Variants in NAALADL2 observed in about 807,000 individuals in gnomAD.
NAALADL2 encodes inactive N-acetylated-alpha-linked acidic dipeptidase-like protein 2.
Under a neutral mutation model 87.2 loss-of-function variants are expected in NAALADL2, and 76 were observed. The ratio of observed to expected loss-of-function variants is 0.87; its 90% confidence interval spans 0.72 to 1.05. NAALADL2 has a LOEUF of 1.05. Ranked by LOEUF, NAALADL2 falls within the 50% of genes least tolerant of loss-of-function variation. The pLI, the probability that NAALADL2 is intolerant of heterozygous loss-of-function variation, is 0.00. For synonymous variants in NAALADL2, 354 were observed against 331.0 expected (o/e 1.07, Z -0.75); for missense variants, 1,089 against 945.8 (o/e 1.15, Z -1.99).
intron 1 of NAALADL2, among the ~76,000 whole-genome samples, chr3:175,048,075 G>A (rs1754901469): frequency 6.6e-6 from 1 of 152,054 alleles, no homozygotes; most frequent in African/African-American, 2.4e-5. Flanking sequence ...AGTGGGATTT[G>A]TACTTTAATT....
chr3:175,269,005 C>T (rs1284572345), intron 4 of NAALADL2, among the ~76,000 whole-genome samples: 1 of 150,050 alleles, frequency 6.7e-6, no homozygotes, highest in African/African-American at 2.5e-5. Context: ...GTGGCATGAT[C>T]TCAGCTCACT....
At chr3:174,973,488 A>G (rs1175568258) in intron 1 of NAALADL2, among the ~76,000 whole-genome samples, 2 of 152,138 alleles carry the variant, frequency 1.3e-5, no homozygotes, top group Non-Finnish European at 2.9e-5. Context: ...GCTCTAATTG[A>G]TATTTGTTAT....
intron 11 of NAALADL2, among the ~76,000 whole-genome samples, chr3:175,688,158 A>G (rs1331978601): frequency 6.6e-6 from 1 of 152,168 alleles, no homozygotes; most frequent in Non-Finnish European, 1.5e-5. Context: ...GAGAAGCAGA[A>G]TGAAATGACA....
chr3:174,493,892 A>T (rs1718361092), intron 1 of NAALADL2, among the ~76,000 whole-genome samples: 1 of 152,240 alleles, frequency 6.6e-6, no homozygotes, highest in Non-Finnish European at 1.5e-5. Context: ...AGATAATTAA[A>T]ATATTGTTTG....
intron 2 of NAALADL2, among the ~76,000 whole-genome samples, chr3:174,610,325 T>G (rs948501818): frequency 6.6e-6 from 1 of 151,652 alleles, no homozygotes; most frequent in Non-Finnish European, 1.5e-5. Flanking sequence ...GGGATCTAAT[T>G]AAACTAAAGA....
intron 13 of NAALADL2, among the ~76,000 whole-genome samples, chr3:175,787,373 GC>G (rs1274712676): frequency 2.0e-5 from 3 of 152,162 alleles, no homozygotes; most frequent in Non-Finnish European, 4.4e-5. Context: ...GACTCCGTGG[GC>G]GTAGGACCCT....
chr3:174,785,236 T>G (rs1716502050), intron 3 of NAALADL2, among the ~76,000 whole-genome samples: 2 of 152,086 alleles, frequency 1.3e-5, no homozygotes, highest in East Asian at 3.9e-4. Context: ...TGTCCATGAG[T>G]GCTAATTTTT....
intron 1 of NAALADL2, among the ~76,000 whole-genome samples, chr3:174,881,307 T>G (rs1729158718): frequency 6.6e-6 from 1 of 152,134 alleles, no homozygotes; most frequent in African/African-American, 2.4e-5. Context: ...TACAATAAGT[T>G]ACTCAAAATC....
chr3:174,749,511 A>G (rs1734614383), intron 3 of NAALADL2, among the ~76,000 whole-genome samples: 1 of 151,832 alleles, frequency 6.6e-6, no homozygotes, highest in South Asian at 2.1e-4. Context: ...TAGGAAAAAA[A>G]AAAAACAGCA....
chr3:175,400,094 A>G (rs1770376937), intron 5 of NAALADL2, among the ~76,000 whole-genome samples: 1 of 152,106 alleles, frequency 6.6e-6, no homozygotes, highest in Non-Finnish European at 1.5e-5. Context: ...CATTCTCTAT[A>G]TGAAAAGGGA....
At chr3:174,525,124 T>C (rs1265964128) in intron 1 of NAALADL2, among the ~76,000 whole-genome samples, 2 of 152,214 alleles carry the variant, frequency 1.3e-5, no homozygotes, top group African/African-American at 2.4e-5. Flanking sequence ...CACCTAACAG[T>C]GCATTTCTCA....
At chr3:175,314,705 T>C (rs1197740380) in intron 4 of NAALADL2, among the ~76,000 whole-genome samples, 2 of 99,996 alleles carry the variant, frequency 2.0e-5, no homozygotes, top group African/African-American at 8.1e-5. Context: ...TATATATATA[T>C]ATATATATAT....
chr3:175,644,859 A>G (rs1170176000), intron 11 of NAALADL2, among the ~76,000 whole-genome samples: 1 of 152,198 alleles, frequency 6.6e-6, no homozygotes, highest in African/African-American at 2.4e-5. Flanking sequence ...TTTTCACATT[A>G]CTAGCATCAA....
At chr3:175,340,237 G>A (rs1039969567) in intron 5 of NAALADL2, among the ~76,000 whole-genome samples, 1 of 152,038 alleles carries the variant, frequency 6.6e-6, no homozygotes, top group African/African-American at 2.4e-5. Context: ...ATAAATGTTC[G>A]ATAACTATGA....
At chr3:175,712,012 T>G (rs141650141) in intron 11 of NAALADL2, among the ~76,000 whole-genome samples, 1 of 152,052 alleles carries the variant, frequency 6.6e-6, no homozygotes, top group African/African-American at 2.4e-5. Flanking sequence ...CATATATTCT[T>G]TAAGGAGAAG....
intron 13 of NAALADL2, among the ~76,000 whole-genome samples, chr3:175,800,648 A>G (rs532326354): frequency 3.9e-5 from 6 of 152,292 alleles, no homozygotes; most frequent in African/African-American, 1.4e-4. Flanking sequence ...CTTAAAATCC[A>G]AAATAAGCTG....
At chr3:175,112,690 T>C (rs1485034692) in intron 2 of NAALADL2, 2 of 151,730 alleles carry the variant, frequency 1.3e-5, no homozygotes, top group African/African-American at 4.8e-5. Context: ...ATTGAATGCC[T>C]ACTCTGTACA....
chr3:174,592,564 G>A (rs1717485804), intron 2 of NAALADL2, among the ~76,000 whole-genome samples: 1 of 152,090 alleles, frequency 6.6e-6, no homozygotes, highest in African/African-American at 2.4e-5. Context: ...ATCTTTAGAT[G>A]ATCAATTAGA....
chr3:175,484,934 A>T (rs549600894), intron 9 of NAALADL2, among the ~76,000 whole-genome samples: 8 of 152,258 alleles, frequency 5.3e-5, no homozygotes, highest in African/African-American at 1.9e-4. Context: ...TTTTAGTGGA[A>T]GTATAGCTGC....
Sources: gnomAD v4.1 joint callset for allele counts (sites outside exome capture counted in the v4.1 genomes callset) on GRCh38, gnomAD v4.1.1 for gene constraint, MANE v1.5 for transcripts, NCBI Gene and HGNC (gene_info 2026-07-23, HGNC 2026-07-21) for gene names.